PCDH7: variants seen among roughly 807,000 people sequenced by gnomAD.
The protein encoded by PCDH7 is protocadherin 7.
A neutral mutation model predicts 58.9 loss-of-function variants in PCDH7; 17 were observed. The ratio of observed to expected loss-of-function variants is 0.29; its 90% CI spans 0.20 to 0.43. The LOEUF (loss-of-function observed/expected upper bound fraction) is 0.43. Among genes scored for constraint, PCDH7 ranks in the 20% least tolerant of loss-of-function variants. The probability of loss-of-function intolerance (pLI) is 1.00; values close to 1 mark genes in which losing one functional copy is unlikely to be tolerated. For missense variants in PCDH7, 1,274 were observed against 1,441.0 expected (o/e 0.88, Z 1.88); for synonymous variants, 664 against 616.4 (o/e 1.08, Z -1.14).
At position 30,740,810 on chromosome 4, in the gene PCDH7, A is replaced by C. The variant is rs576955483; in HGVS notation, c.70+16214A>C. ...AGTCAATTAAAATATGACCTATGTC[A>C]TCTAACAGTTTTTTAAAAAATATCA... On this transcript the variant is annotated intron_variant, in intron 1 of 3. Transcript: ENST00000509759. Among the ~76,000 whole-genome samples the C allele has an allele frequency of 5.1e-4, 78 of 152,264 alleles. 2 individuals carry two copies. In the South Asian group the frequency reaches 7.0e-3, roughly 14 times the overall value.
At chr4:31,116,350 G>A (rs1304484856) in intron 3 of PCDH7, among the ~76,000 whole-genome samples, 3 of 152,188 alleles carry the variant, frequency 2.0e-5, no homozygotes, top group Admixed American at 1.3e-4. Flanking sequence ...GGTTGTTATA[G>A]GCAGTAACCA....
chr4:30,876,958 A>C (rs767221853), intron 1 of PCDH7, among the ~76,000 whole-genome samples: 2 of 151,908 alleles, frequency 1.3e-5, no homozygotes, highest in Non-Finnish European at 2.9e-5. Flanking sequence ...CCCTGTGTCC[A>C]TGTGTTCTCA....
chr4:30,765,979 G>C (rs377343000), intron 1 of PCDH7, among the ~76,000 whole-genome samples: 3 of 152,034 alleles, frequency 2.0e-5, no homozygotes, highest in Non-Finnish European at 4.4e-5. Flanking sequence ...GCAGGGAAGA[G>C]CCAAATTCCC....
intron 1 of PCDH7, among the ~76,000 whole-genome samples, chr4:30,762,173 G>A (rs999884304): frequency 3.3e-5 from 5 of 152,092 alleles, no homozygotes; most frequent in African/African-American, 1.2e-4. Flanking sequence ...TGGGAGAATC[G>A]GCTATAAAAG....
At chr4:31,058,941 G>T (rs541343042) in intron 3 of PCDH7, among the ~76,000 whole-genome samples, 114 of 152,068 alleles carry the variant, frequency 7.5e-4, no homozygotes, top group Non-Finnish European at 1.3e-3. Context: ...ACTGACTGCC[G>T]ATCTAAAACC....
chr4:30,860,417 CTT>C (rs34560786), intron 1 of PCDH7, among the ~76,000 whole-genome samples: 20 of 148,594 alleles, frequency 1.3e-4, no homozygotes, highest in African/African-American at 3.2e-4. Flanking sequence ...ATAATTAAGT[CTT>C]TTTTTTTTTG....
intron 1 of PCDH7, among the ~76,000 whole-genome samples, chr4:30,774,814 A>G (rs1252574707): frequency 2.0e-5 from 3 of 152,206 alleles, no homozygotes; most frequent in Non-Finnish European, 4.4e-5. Context: ...AATGTAATGA[A>G]GACATACCTA....
intron 1 of PCDH7, among the ~76,000 whole-genome samples, chr4:30,850,831 G>A (rs969417402): frequency 6.6e-6 from 1 of 152,022 alleles, no homozygotes; most frequent in Non-Finnish European, 1.5e-5. Context: ...TCGGCTCCAT[G>A]AGGACTTCTT....
intron 3 of PCDH7, among the ~76,000 whole-genome samples, chr4:30,968,712 T>C (rs1215913381): frequency 6.6e-6 from 1 of 152,108 alleles, no homozygotes; most frequent in Non-Finnish European, 1.5e-5. Context: ...AGTTTTCATG[T>C]CTCTGTGTGA....
chr4:30,785,082 C>T (rs1723229118), intron 1 of PCDH7, among the ~76,000 whole-genome samples: 1 of 151,900 alleles, frequency 6.6e-6, no homozygotes, highest in Admixed American at 6.6e-5. Flanking sequence ...CCTTCATAGA[C>T]CACATGGTAG....
chr4:30,875,146 A>G lies in PCDH7; in HGVS notation c.71-45007A>G, dbSNP rs551382098. ...CACAGTCTGGAGGCTAGAAATCCAA[A>G]ATCAAGGTGGTTGCACCGTTGATTC... On this transcript the variant is annotated intron_variant, in intron 1 of 3. Coordinates refer to the PCDH7 transcript ENST00000509759. Among the ~76,000 whole-genome samples, 37 of 152,144 alleles carry G rather than the reference A, an allele frequency of 2.4e-4. 1 individual carries two copies. The South Asian group carries it at 6.8e-3, about 28-fold the overall frequency.
chr4:30,982,841 C>T (rs1750683635), intron 3 of PCDH7, among the ~76,000 whole-genome samples: 1 of 152,088 alleles, frequency 6.6e-6, no homozygotes, highest in South Asian at 2.1e-4. Context: ...CTGATAGTAC[C>T]TAGAGAGAGT....
At chr4:31,051,204 A>C (rs1249024188) in intron 3 of PCDH7, among the ~76,000 whole-genome samples, 1 of 152,108 alleles carries the variant, frequency 6.6e-6, no homozygotes, top group Non-Finnish European at 1.5e-5. Flanking sequence ...CCACCTTACA[A>C]GCATCTGTTA....
chr4:31,062,558 T>C (rs1757771913), intron 3 of PCDH7, among the ~76,000 whole-genome samples: 1 of 151,818 alleles, frequency 6.6e-6, no homozygotes, highest in Non-Finnish European at 1.5e-5. Flanking sequence ...GGTGCCTGCC[T>C]CTCAGTGCCA....
chr4:30,890,295 CACTT>C (rs1738443472), intron 1 of PCDH7, among the ~76,000 whole-genome samples: 1 of 152,026 alleles, frequency 6.6e-6, no homozygotes, highest in South Asian at 2.1e-4. Context: ...AATTCATACT[CACTT>C]AATTTGAAGG....
Position 30,999,315 on chromosome 4 carries a change from A to ACATAGCAT in PCDH7, c.*7+49101_*7+49108dup, listed in dbSNP as rs1752158168. Among the ~76,000 whole-genome samples, 3 of 152,248 alleles carry ACATAGCAT rather than the reference A, an allele frequency of 2.0e-5. No individual in the cohort carries two copies. In the East Asian group the frequency reaches 5.8e-4, roughly 29 times the overall value. On this transcript the variant is annotated intron_variant, in intron 3 of 3. Transcript: ENST00000509759. ...GTGAGAAAATAATAAGTGTGTGAAA[A>ACATAGCAT]CATAGCATAGTCAACAGGAAACACT...
At chr4:30,847,965 T>C (rs1472225932) in intron 1 of PCDH7, among the ~76,000 whole-genome samples, 1 of 152,106 alleles carries the variant, frequency 6.6e-6, no homozygotes, top group Non-Finnish European at 1.5e-5. Flanking sequence ...AAGAGAAAAG[T>C]CTAAACTTTT....
At chr4:30,725,992 C>T (rs1478113883) in intron 1 of PCDH7, among the ~76,000 whole-genome samples, 1 of 152,048 alleles carries the variant, frequency 6.6e-6, no homozygotes, top group African/African-American at 2.4e-5. Context: ...GTTCAAACTA[C>T]ATTTGCATTA....
At position 30,723,231 on chromosome 4, in the gene PCDH7, C is replaced by G. The variant is rs752579188; in HGVS notation, c.1809C>G (p.Asp603Glu). ...CCGTGCTGGACCGCGAGCAGACTGACAGGTATGAGTTTAAAGTTAACGCCA... is the reference window on the plus strand; with the variant it reads ...CCGTGCTGGACCGCGAGCAGACTGAGAGGTATGAGTTTAAAGTTAACGCCA... Residue 603 changes from aspartate to glutamate, a missense_variant, in exon 1 of 2, where the codon GAC becomes GAG. Asp to Glu is a conservative substitution (Grantham distance 45). This residue lies in a region of PCDH7 where 731 missense variants were observed against 881.9 expected (regional missense o/e 0.83). Transcript: ENST00000361762. The surrounding 1 kb of genome is among the most constrained non-coding windows in gnomAD (Gnocchi z 4.6). The G allele has an allele frequency of 5.0e-6, 8 of 1,614,204 alleles. No individual in the cohort carries two copies. Among genetic ancestry groups the G allele is most frequent in the Non-Finnish European group, 5.9e-6 (7 of 1,180,044 alleles).
Sources: allele counts gnomAD v4.1 joint callset (sites outside exome capture counted in the v4.1 genomes callset), GRCh38; gene constraint gnomAD v4.1.1; regional missense constraint gnomAD v4.1.1; non-coding constraint Gnocchi (gnomAD v3.1); transcripts MANE v1.5; gene names NCBI Gene and HGNC (gene_info 2026-07-23, HGNC 2026-07-21).